Variants in SLC35D1 observed in about 807,000 individuals in gnomAD.
SLC35D1 encodes nucleotide sugar transporter SLC35D1.
In SLC35D1, 31 loss-of-function variants were observed where a neutral mutation model predicts 46.7. The observed-to-expected ratio is 0.66, with a 90% CI of 0.50 to 0.90. The LOEUF (loss-of-function observed/expected upper bound fraction) is 0.90. Among genes scored for constraint, SLC35D1 ranks in the 40% least tolerant of loss-of-function variants. The pLI is 0.00. For synonymous variants in SLC35D1, 195 were observed against 164.6 expected (o/e 1.18, Z -1.41); for missense variants, 397 against 426.2 (o/e 0.93, Z 0.60).
At chr1:66,980,462 A>G in the SLC35D1 span, among the ~76,000 whole-genome samples, 103 of 152,166 alleles carry the variant, frequency 6.8e-4, no homozygotes, top group Non-Finnish European at 1.4e-3. Flanking sequence ...TCACATCCCT[A>G]TATTTGTTAA....
chr1:66,980,265 C>G, the SLC35D1 span, among the ~76,000 whole-genome samples: 32 of 152,270 alleles, frequency 2.1e-4, no homozygotes, highest in Non-Finnish European at 4.0e-4. Context: ...AAGAAGTCTT[C>G]AAGACCATCT....
the SLC35D1 span, among the ~76,000 whole-genome samples, chr1:66,991,695 C>T: frequency 6.6e-6 from 1 of 152,324 alleles, no homozygotes; most frequent in South Asian, 2.1e-4. Flanking sequence ...CTTGCATTTC[C>T]TTATCTCCAA....
At chr1:67,053,115 A>C in intron 1 of SLC35D1, 126 bp from the exon 2 acceptor site, 1 of 1,113,298 alleles carries the variant, frequency 9.0e-7, no homozygotes, top group Admixed American at 2.0e-5. Flanking sequence ...CCGCCCCTAA[A>C]TCAAACAAAA....
At chr1:66,992,391 T>C in the SLC35D1 span, among the ~76,000 whole-genome samples, 2 of 152,214 alleles carry the variant, frequency 1.3e-5, 1 homozygote, top group South Asian at 4.1e-4. Flanking sequence ...CTCTGAGCCT[T>C]CTGCAGAGCA....
At chr1:67,021,623 T>C in intron 8 of SLC35D1, 21 bp from the exon 9 acceptor site, 1 of 1,611,440 alleles carries the variant, frequency 6.2e-7, no homozygotes, top group Non-Finnish European at 8.5e-7. Flanking sequence ...CAAGAAAGCA[T>C]TAAATTTTAG....
At chr1:66,997,519 A>ATATATATATAT (rs1553262616), downstream of SLC35D1, among the ~76,000 whole-genome samples, 564 of 73,968 alleles carry the variant, frequency 7.6e-3, 2 homozygotes, top group Admixed American at 8.1e-3. Context: ...AAAAAAAAAA[A>ATATATATATAT]ATATATATAT....
Position 67,053,827 on chromosome 1 carries a change from C to G in SLC35D1, c.187G>C (p.Val63Leu), listed in dbSNP as rs758889987. 1.7e-5 allele frequency: 28 copies of G among 1,611,378 alleles called. No homozygotes were observed. The highest frequency in any genetic ancestry group is 2.3e-5 in the Non-Finnish European group (27 of 1,178,780). Residue 63 changes from valine to leucine, a missense_variant, in exon 1 of 12, where the codon GTG becomes CTG. By Grantham distance (32) the Val-to-Leu change is conservative. Transcript: ENST00000235345. ...CGGCCCTACCTGTAATTGGTGAGCA[C>G]GCTCTTATTCACCACCACGATCAGG... Reference protein sequence around the residue: ...SFLIVVVNKSVLTNYRFPSSL... With the variant: ...SFLIVVVNKSLLTNYRFPSSL...
intron 4 of SLC35D1, 93 bp downstream of exon 4, chr1:67,051,919 G>C: frequency 1.1e-6 from 1 of 904,088 alleles, no homozygotes. Flanking sequence ...TTTTTTTCCA[G>C]AATCAATAAC....
chr1:67,008,964 G>A, intron 11 of SLC35D1, 121 bp downstream of exon 11: 1 of 540,400 alleles, frequency 1.9e-6, no homozygotes, highest in Admixed American at 2.7e-5. Flanking sequence ...GCACATAGAA[G>A]GCACTCCACA....
Position 67,008,499 on chromosome 1 carries a change from C to G in SLC35D1, c.959+586G>C. Reference sequence around the variant, plus strand: ...AAGTTACAGTTCCTGAGACAGGGGCCTTGTTAGAATACTGCAAATCTGAAT... The same window carrying G: ...AAGTTACAGTTCCTGAGACAGGGGCGTTGTTAGAATACTGCAAATCTGAAT... On this transcript the variant is annotated intron_variant, in intron 11 of 11. Transcript: ENST00000235345. 3 of 1,276,788 alleles carry G rather than the reference C, an allele frequency of 2.3e-6. No homozygotes were observed. In the South Asian group the frequency reaches 3.7e-5, roughly 16 times the overall value. The allele number at this position is 1,276,788 out of a possible 1,614,324, so 79.1% of individuals were successfully genotyped here.
chr1:66,978,191 A>G, the SLC35D1 span, among the ~76,000 whole-genome samples: 5 of 142,542 alleles, frequency 3.5e-5, no homozygotes, highest in Admixed American at 7.0e-5. Context: ...GCGAAACTCC[A>G]TCTCCAAAAA....
In SLC35D1 at chr1:67,002,244, G is replaced by A. The variant is rs923844171; in HGVS notation, c.*2096C>T. 4 of 152,338 alleles carry A rather than the reference G, an allele frequency of 2.6e-5. No homozygotes were observed. Among genetic ancestry groups the A allele is most frequent in the Admixed American group, 1.3e-4 (2 of 15,270 alleles). 9.4% of individuals were successfully genotyped at this position (152,338 alleles called of 1,614,324 possible). A position where few individuals can be genotyped will look rare whatever the true frequency, so the allele number is the denominator to read the frequency against. On this transcript the variant is annotated 3_prime_UTR_variant, in exon 12 of 12. Coordinates refer to ENST00000235345, the MANE Select transcript of SLC35D1 (RefSeq NM_015139.3). ...TGCATTATCAACTAAAGTCAGCCTGGAAGTGGGATAAGGGTTCCAGGACAG... is the reference window on the plus strand; with the variant it reads ...TGCATTATCAACTAAAGTCAGCCTGAAAGTGGGATAAGGGTTCCAGGACAG...
the SLC35D1 span, chr1:66,986,135 A>G: frequency 2.6e-6 from 3 of 1,142,680 alleles, no homozygotes; most frequent in Non-Finnish European, 3.2e-6. Flanking sequence ...TATGAAGAGA[A>G]AGTGAAGTTT....
At chr1:67,020,811 G>A (rs1407607966) in intron 9 of SLC35D1, among the ~76,000 whole-genome samples, 2 of 152,154 alleles carry the variant, frequency 1.3e-5, no homozygotes, top group African/African-American at 4.8e-5. Context: ...AGGACAACAT[G>A]TCCTCTGGGC....
intron 8 of SLC35D1, 121 bp downstream of exon 8, chr1:67,042,115 T>G: frequency 1.1e-6 from 1 of 922,442 alleles, no homozygotes; most frequent in South Asian, 1.3e-5. Context: ...AAAGAGTAAA[T>G]GCTCAGTTTT....
chr1:67,024,765 G>A (rs1366973466), intron 8 of SLC35D1, among the ~76,000 whole-genome samples: 1 of 151,450 alleles, frequency 6.6e-6, no homozygotes, highest in Non-Finnish European at 1.5e-5. Flanking sequence ...TTTTTTTTAA[G>A]CAAGGTCTTG....
At chr1:67,016,196 A>G (rs1667682286) in intron 10 of SLC35D1, among the ~76,000 whole-genome samples, 1 of 152,130 alleles carries the variant, frequency 6.6e-6, no homozygotes, top group African/African-American at 2.4e-5. Context: ...ATATATTATC[A>G]GTAATAATTA....
chr1:67,044,793 T>C (rs1040126265), intron 7 of SLC35D1, among the ~76,000 whole-genome samples: 1 of 152,236 alleles, frequency 6.6e-6, no homozygotes, highest in Non-Finnish European at 1.5e-5. Flanking sequence ...TGGACTATAA[T>C]TGTAAGCAGC....
At position 67,053,952 on chromosome 1, in the gene SLC35D1, G is replaced by A. The variant is rs149106910; in HGVS notation, c.62C>T (p.Ser21Phe). 6.2e-7 allele frequency: 1 copy of A among 1,613,684 alleles called. No individual in the cohort carries two copies. The highest frequency in any genetic ancestry group is 1.7e-5 in the Admixed American group (1 of 60,016). The part of the protein sequence containing the change: ...RVKGEAPAKS[S>F]TLRDEEELGM... ...CAGCTCCTCCTCATCTCGGAGTGTGGAGGATTTCGCGGGGGCTTCTCCTTT... is the reference window on the plus strand; with the variant it reads ...CAGCTCCTCCTCATCTCGGAGTGTGAAGGATTTCGCGGGGGCTTCTCCTTT... The change falls in exon 1 of 12, where the codon TCC (serine) becomes TTC (phenylalanine). Residue 21 changes from serine (S) to phenylalanine (F), a missense_variant. Coordinates refer to ENST00000235345, the MANE Select transcript of SLC35D1 (RefSeq NM_015139.3).
Sources: allele counts gnomAD v4.1 joint callset (sites outside exome capture counted in the v4.1 genomes callset), GRCh38; gene constraint gnomAD v4.1.1; transcripts MANE v1.5; gene names NCBI Gene and HGNC (gene_info 2026-07-23, HGNC 2026-07-21).